The following SNRPN variants were observed in gnomAD, a reference collection of about 807,000 sequenced individuals.
SNRPN encodes small nuclear ribonucleoprotein polypeptide N.
SNRPN carries 7 observed loss-of-function variants against 25.2 expected under a neutral mutation model. The ratio of observed to expected loss-of-function variants is 0.28; its 90% CI spans 0.16 to 0.52. SNRPN has a LOEUF of 0.52. Among genes scored for constraint, SNRPN ranks in the 20% least tolerant of loss-of-function variants. The pLI is 0.96. For missense variants in SNRPN, 196 were observed against 322.5 expected (o/e 0.61, Z 3.00); for synonymous variants, 124 against 110.6 (o/e 1.12, Z -0.76).
At chr15:24,834,751 C>CTCTCTCTCTCTCTCTCTCTCTATA in intron 2 of SNRPN, among the ~76,000 whole-genome samples, 28 of 60,940 alleles carry the variant, frequency 4.6e-4, no homozygotes, top group African/African-American at 5.9e-4. Flanking sequence ...CTCTCTCTCT[C>CTCTCTCTCTCTCTCTCTCTCTATA]TATATATATA....
chr15:24,862,228 G>GTT (rs1184277687), intron 1 of SNRPN, among the ~76,000 whole-genome samples: 1 of 151,150 alleles, frequency 6.6e-6, no homozygotes, highest in Non-Finnish European at 1.5e-5. Flanking sequence ...CCATATTAAT[G>GTT]TAAGCGAATT....
chr15:24,948,316 G>C (rs2062012711), intron 3 of SNRPN, among the ~76,000 whole-genome samples: 1 of 151,990 alleles, frequency 6.6e-6, no homozygotes, highest in African/African-American at 2.4e-5. Flanking sequence ...GTTTCATCAT[G>C]TTGGCCAGGA....
At chr15:24,889,504 A>G (rs1056973212) in intron 2 of SNRPN, among the ~76,000 whole-genome samples, 4 of 150,586 alleles carry the variant, frequency 2.7e-5, no homozygotes, top group African/African-American at 7.3e-5. Flanking sequence ...ACAGGGTTTC[A>G]CCGTGTTAGC....
At chr15:24,911,601 T>G (rs1460371476) in intron 2 of SNRPN, among the ~76,000 whole-genome samples, 2 of 152,092 alleles carry the variant, frequency 1.3e-5, no homozygotes, top group Non-Finnish European at 2.9e-5. Context: ...ACACAAGTAG[T>G]AAAACATGGG....
chr15:24,930,650 C>T (rs567215583), intron 3 of SNRPN, among the ~76,000 whole-genome samples: 24 of 149,420 alleles, frequency 1.6e-4, no homozygotes, highest in African/African-American at 4.9e-4. Flanking sequence ...CCAGTAAATC[C>T]CAGTACTTTG....
chr15:24,968,319 G>T, intron 3 of SNRPN: 3 of 302,352 alleles, frequency 9.9e-6, no homozygotes, highest in South Asian at 7.9e-5. Context: ...TTTCTTTTGC[G>T]TTTTTTTTAA....
chr15:24,924,095 C>T (rs920077160), intron 3 of SNRPN, among the ~76,000 whole-genome samples: 7 of 151,352 alleles, frequency 4.6e-5, no homozygotes, highest in East Asian at 1.9e-4. Flanking sequence ...GACCTTTCCT[C>T]TACTTTCTGA....
intron 1 of SNRPN, among the ~76,000 whole-genome samples, chr15:24,878,813 A>C (rs1317244630): frequency 2.0e-5 from 3 of 152,130 alleles, no homozygotes; most frequent in Non-Finnish European, 4.4e-5. Context: ...CATTTTTAAG[A>C]AATGAGATAC....
chr15:24,881,103 G>T (rs1033891464), intron 1 of SNRPN, among the ~76,000 whole-genome samples: 2 of 152,156 alleles, frequency 1.3e-5, no homozygotes, highest in African/African-American at 4.8e-5. Context: ...CAAGTCCTCT[G>T]CTGTGCATGG....
At chr15:24,923,917 ATAAACATT>A (rs1305071565) in intron 3 of SNRPN, among the ~76,000 whole-genome samples, 2 of 60,722 alleles carry the variant, frequency 3.3e-5, no homozygotes, top group Admixed American at 2.1e-4. Flanking sequence ...GTGTGTGTAT[ATAAACATT>A]TTTTTTTTTT....
intron 3 of SNRPN, among the ~76,000 whole-genome samples, chr15:24,972,821 A>G (rs1036892036): frequency 3.3e-5 from 5 of 152,056 alleles, no homozygotes; most frequent in Admixed American, 3.3e-4. Flanking sequence ...TCAACAACAG[A>G]CTGCATATGT....
At chr15:24,895,590 G>A (rs2058038559) in intron 2 of SNRPN, among the ~76,000 whole-genome samples, 1 of 151,998 alleles carries the variant, frequency 6.6e-6, no homozygotes, top group Admixed American at 6.6e-5. Flanking sequence ...ATGGCTGCTG[G>A]TCATTTAACA....
intron 3 of SNRPN, among the ~76,000 whole-genome samples, chr15:24,936,894 T>C (rs1462699616): frequency 6.6e-6 from 1 of 152,126 alleles, no homozygotes; most frequent in Admixed American, 6.6e-5. Flanking sequence ...TTATTTTCAG[T>C]TATCAATGGA....
intron 1 of SNRPN, among the ~76,000 whole-genome samples, chr15:24,875,784 T>C (rs570318474): frequency 2.0e-5 from 3 of 152,230 alleles, no homozygotes; most frequent in African/African-American, 7.2e-5. Flanking sequence ...CCGGGTGCGG[T>C]AGTTCATGCC....
chr15:24,975,067 T>G, intron 4 of SNRPN: 1 of 683,182 alleles, frequency 1.5e-6, no homozygotes. Context: ...CATTGTGGTT[T>G]GGTTTACTTA....
chr15:24,889,527 G>GCAA (rs1595721314), intron 2 of SNRPN, among the ~76,000 whole-genome samples: 1 of 150,738 alleles, frequency 6.6e-6, no homozygotes, highest in East Asian at 2.0e-4. Flanking sequence ...GGATGGTCTT[G>GCAA]ATCTCCTGAC....
At chr15:24,864,183 C>A (rs1165066548) in intron 1 of SNRPN, among the ~76,000 whole-genome samples, 1 of 143,272 alleles carries the variant, frequency 7.0e-6, no homozygotes, top group African/African-American at 2.8e-5. Flanking sequence ...CCCACCACAA[C>A]GCCCGGCTAA....
chr15:24,960,964 T>A lies in SNRPN; in HGVS notation c.-390-1150T>A, dbSNP rs530734121. Among the ~76,000 whole-genome samples the A allele has an allele frequency of 1.7e-4, 26 of 152,306 alleles. No homozygotes were observed. The South Asian group carries it at 5.4e-3, about 32-fold the overall frequency. ...TCCCTACCTTCTTTTTTTTCATTGTTTGGATTTTCTTTTTGTTTGTTTTGG... is the reference window on the plus strand; with the variant it reads ...TCCCTACCTTCTTTTTTTTCATTGTATGGATTTTCTTTTTGTTTGTTTTGG... On this transcript the variant is annotated intron_variant, in intron 1 of 9. Coordinates refer to ENST00000390687, the MANE Select transcript of SNRPN (RefSeq NM_003097.6).
intron 2 of SNRPN, among the ~76,000 whole-genome samples, chr15:24,840,432 G>T (rs1022808005): frequency 6.6e-6 from 1 of 152,198 alleles, no homozygotes; most frequent in African/African-American, 2.4e-5. Flanking sequence ...GATCTGAGAG[G>T]CTGGTACACC....
Sources: gnomAD v4.1 joint callset for allele counts (sites outside exome capture counted in the v4.1 genomes callset) on GRCh38, gnomAD v4.1.1 for gene constraint, MANE v1.5 for transcripts, NCBI Gene and HGNC (gene_info 2026-07-23, HGNC 2026-07-21) for gene names.